SIAH1: variants seen among roughly 807,000 people sequenced by gnomAD.
SIAH1 encodes the protein siah E3 ubiquitin protein ligase 1.
SIAH1 carries 2 observed loss-of-function variants against 20.0 expected under a neutral mutation model. The observed-to-expected ratio is 0.10, with a 90% CI of 0.04 to 0.31. SIAH1 has a LOEUF of 0.31. Among genes scored for constraint, SIAH1 ranks in the 10% least tolerant of loss-of-function variants. The pLI, the probability that SIAH1 is intolerant of heterozygous loss-of-function variation, is 1.00. For missense variants in SIAH1, 119 were observed against 355.3 expected, an observed-to-expected ratio of 0.33 and a Z score of 5.35; for synonymous variants, 118 against 125.3, an observed-to-expected ratio of 0.94 and a Z score of 0.39.
upstream of SIAH1, among the ~76,000 whole-genome samples, chr16:48,386,530 A>G (rs1436792231): frequency 6.6e-6 from 1 of 152,200 alleles, no homozygotes; most frequent in African/African-American, 2.4e-5. Flanking sequence ...TAAAAATAGA[A>G]AAATCCCATA....
intron 1 of SIAH1, among the ~76,000 whole-genome samples, chr16:48,370,973 G>C (rs1446211846): frequency 5.3e-5 from 8 of 152,026 alleles, no homozygotes; most frequent in African/African-American, 1.9e-4. Flanking sequence ...AATTAGCTGG[G>C]TGTGGTGGCA....
intron 1 of SIAH1, among the ~76,000 whole-genome samples, chr16:48,377,433 C>T (rs1961138911): frequency 6.7e-6 from 1 of 149,430 alleles, no homozygotes; most frequent in Non-Finnish European, 1.5e-5. Flanking sequence ...GTTCTGTTGC[C>T]CAGGCTGGGT....
At chr16:48,384,967 C>T (rs947909100) in intron 1 of SIAH1, among the ~76,000 whole-genome samples, 1 of 146,212 alleles carries the variant, frequency 6.8e-6, no homozygotes, top group Admixed American at 6.8e-5. Flanking sequence ...CCGCCGGGCC[C>T]GGGGCTCCAG....
intron 1 of SIAH1, chr16:48,365,661 G>A: frequency 7.0e-7 from 1 of 1,431,336 alleles, no homozygotes; most frequent in Non-Finnish European, 9.1e-7. Flanking sequence ...TCCCCAGGAG[G>A]CAACCACACC....
rs534644778 is a variant in SIAH1, at chr16:48,361,077, T to C, written c.*503A>G. The C allele has an allele frequency of 6.5e-6, 1 of 152,690 alleles. No homozygotes were observed. Among genetic ancestry groups the C allele is most frequent in the East Asian group, 1.9e-4 (1 of 5,190 alleles). 9.5% of individuals were successfully genotyped at this position (152,690 alleles called of 1,614,324 possible). On this transcript the variant is annotated 3_prime_UTR_variant, in exon 2 of 2. Coordinates refer to ENST00000394725, the MANE Select transcript of SIAH1 (RefSeq NM_003031.4). ...TTACAGAAAAGTCAAATTTATTTAA[T>C]GAAAAACTAAAATTAATAAAAATTA... is the stretch of plus-strand genomic sequence containing the variant.
chr16:48,376,979 T>C (rs1567375243), intron 1 of SIAH1, among the ~76,000 whole-genome samples: 1 of 152,226 alleles, frequency 6.6e-6, no homozygotes, highest in African/African-American at 2.4e-5. Flanking sequence ...CTTTCCAAGG[T>C]AGAGTCTTTG....
At chr16:48,364,248 A>G (rs1023824523) in intron 1 of SIAH1, among the ~76,000 whole-genome samples, 1 of 152,130 alleles carries the variant, frequency 6.6e-6, no homozygotes, top group Non-Finnish European at 1.5e-5. Context: ...CCACTAATCC[A>G]TATTACAAAA....
intron 1 of SIAH1, 69 bp downstream of exon 1, chr16:48,385,135 G>A (rs1226010431): frequency 1.1e-5 from 2 of 180,646 alleles, no homozygotes; most frequent in Non-Finnish European, 2.4e-5. Flanking sequence ...CGCCATTACC[G>A]GGCCTGGGCG....
At chr16:48,375,084 G>A (rs1165465117) in intron 1 of SIAH1, among the ~76,000 whole-genome samples, 1 of 152,244 alleles carries the variant, frequency 6.6e-6, no homozygotes, top group Non-Finnish European at 1.5e-5. Flanking sequence ...CGGGCACGGA[G>A]GTTGCAGTGA....
intron 1 of SIAH1, among the ~76,000 whole-genome samples, chr16:48,384,981 CG>C (rs1021376732): frequency 8.2e-5 from 12 of 146,286 alleles, no homozygotes; most frequent in Non-Finnish European, 1.8e-4. Flanking sequence ...GCTCCAGGGG[CG>C]GGGGCGAGCC....
chr16:48,381,907 C>T (rs1026320966), intron 1 of SIAH1, among the ~76,000 whole-genome samples: 6 of 152,072 alleles, frequency 3.9e-5, no homozygotes, highest in South Asian at 2.1e-4. Context: ...AACAAACGTA[C>T]CACTTTGGCG....
chr16:48,383,910 T>C (rs1193702614), intron 1 of SIAH1, among the ~76,000 whole-genome samples: 2 of 152,260 alleles, frequency 1.3e-5, no homozygotes, highest in Non-Finnish European at 2.9e-5. Flanking sequence ...GTCTTAACAG[T>C]AAGCATTTGT....
chr16:48,378,355 A>AAAC (rs376500011), intron 1 of SIAH1, among the ~76,000 whole-genome samples: 88 of 152,280 alleles, frequency 5.8e-4, no homozygotes, highest in African/African-American at 1.2e-3. Context: ...CTTTGTCACA[A>AAAC]AACAACAACA....
intron 1 of SIAH1, among the ~76,000 whole-genome samples, chr16:48,375,905 CAG>C (rs1434261064): frequency 1.3e-5 from 2 of 152,090 alleles, no homozygotes; most frequent in African/African-American, 2.4e-5. Context: ...AATTAGAAAC[CAG>C]AGAGAGATGG....
chr16:48,368,983 G>A (rs1960915821), intron 1 of SIAH1, among the ~76,000 whole-genome samples: 1 of 152,044 alleles, frequency 6.6e-6, no homozygotes. Context: ...CATTGTGGCA[G>A]GTATTATGTA....
At chr16:48,384,735 A>C in intron 1 of SIAH1, among the ~76,000 whole-genome samples, 2 of 139,486 alleles carry the variant, frequency 1.4e-5, no homozygotes, top group South Asian at 2.6e-4. Context: ...GAGGAGGGGG[A>C]GGGAGGGCAG....
At position 48,379,373 on chromosome 16, in the gene SIAH1, C is replaced by T. The variant is rs1414987711; in HGVS notation, c.-3+5831G>A. Among the ~76,000 whole-genome samples the T allele has an allele frequency of 2.0e-5, 3 of 152,200 alleles. 1 individual carries two copies. The highest frequency in any genetic ancestry group is 7.2e-5 in the African/African-American group (3 of 41,446). On this transcript the variant is annotated intron_variant, in intron 1 of 1. Coordinates refer to ENST00000394725, the MANE Select transcript of SIAH1 (RefSeq NM_003031.4). ...AGACATTTCAGAGGCTAAATACAAT[C>T]ATGACCAAAGGCACAGAGATGCTAA...
chr16:48,383,790 A>G (rs1427084009), intron 1 of SIAH1, among the ~76,000 whole-genome samples: 3 of 152,224 alleles, frequency 2.0e-5, no homozygotes, highest in Non-Finnish European at 4.4e-5. Flanking sequence ...GAAAGAAAAA[A>G]CCCAGCACTA....
intron 1 of SIAH1, among the ~76,000 whole-genome samples, chr16:48,384,892 G>C (rs1961404567): frequency 6.9e-6 from 1 of 145,278 alleles, no homozygotes; most frequent in African/African-American, 2.5e-5. Flanking sequence ...GCGGGGGCCG[G>C]GCCGCCGCCG....
Sources: gnomAD v4.1 joint callset for allele counts (sites outside exome capture counted in the v4.1 genomes callset) on GRCh38, gnomAD v4.1.1 for gene constraint, MANE v1.5 for transcripts, NCBI Gene and HGNC (gene_info 2026-07-23, HGNC 2026-07-21) for gene names.